TENM1: variants seen among roughly 807,000 people sequenced by gnomAD.
TENM1 encodes teneurin transmembrane protein 1.
Under a neutral mutation model 174.8 loss-of-function variants are expected in TENM1, and 35 were observed. The ratio of observed to expected loss-of-function variants is 0.20; its 90% confidence interval spans 0.15 to 0.27. The LOEUF (loss-of-function observed/expected upper bound fraction) is 0.27, where lower values mean the gene tolerates loss of function less well. TENM1 is among the 10% of genes least tolerant of loss of function. TENM1 has a pLI of 1.00. For synonymous variants in TENM1, 781 were observed against 798.7 expected, an observed-to-expected ratio of 0.98 and a Z score of 0.37; for missense variants, 1,633 against 2,130.1, an observed-to-expected ratio of 0.77 and a Z score of 4.59.
At chrX:124,492,036 G>C (rs2047078972) in intron 20 of TENM1, among the ~76,000 whole-genome samples, 1 of 111,757 alleles carries the variant, frequency 8.9e-6, no homozygotes, top group South Asian at 3.8e-4. Flanking sequence ...CAATTTTATA[G>C]ATAAGGAAGA....
intron 20 of TENM1, among the ~76,000 whole-genome samples, chrX:124,494,354 A>G (rs192762946): frequency 9.0e-6 from 1 of 111,238 alleles, no homozygotes; most frequent in African/African-American, 3.3e-5. Context: ...GAACATAGAG[A>G]AACTTAAAGC....
intron 23 of TENM1, among the ~76,000 whole-genome samples, chrX:124,440,670 G>A (rs2060893410): frequency 9.0e-6 from 1 of 111,427 alleles, no homozygotes; most frequent in Non-Finnish European, 1.9e-5. Flanking sequence ...ATATAGACCC[G>A]GTAACTACAA....
chrX:124,565,595 T>C, intron 11 of TENM1, 35 bp from the exon 15 acceptor site: 1 of 1,024,333 alleles, frequency 9.8e-7, no homozygotes, highest in Middle Eastern at 2.7e-4. Flanking sequence ...ATTAACATAT[T>C]TTGTTAAAAC....
intron 3 of TENM1, among the ~76,000 whole-genome samples, chrX:124,837,968 C>T (rs968254459): frequency 3.6e-5 from 4 of 111,732 alleles, no homozygotes; most frequent in African/African-American, 9.8e-5. Context: ...ATACATTGCT[C>T]GCACTTAAAG....
chrX:124,570,049 A>G (rs2148185752), intron 11 of TENM1, among the ~76,000 whole-genome samples: 1 of 111,858 alleles, frequency 8.9e-6, no homozygotes, highest in Admixed American at 9.5e-5. Context: ...ATTGCTATAC[A>G]TAGTACAAAC....
intron 14 of TENM1, among the ~76,000 whole-genome samples, chrX:124,557,935 T>C (rs188761386): frequency 5.0e-4 from 56 of 112,036 alleles, no homozygotes; most frequent in African/African-American, 1.8e-3. Flanking sequence ...GAAAATGTGG[T>C]CACCATAGTA....
chrX:124,437,098 C>T (rs888470178), intron 23 of TENM1, among the ~76,000 whole-genome samples: 2 of 93,604 alleles, frequency 2.1e-5, no homozygotes, highest in Non-Finnish European at 4.2e-5. Context: ...CCACCATGCT[C>T]GGCTAATTTT....
chrX:124,471,321 TATA>T (rs1242937026), intron 22 of TENM1, among the ~76,000 whole-genome samples: 15 of 9,279 alleles, frequency 1.6e-3, no homozygotes, highest in Non-Finnish European at 2.4e-3. Flanking sequence ...TACTATATAT[TATA>T]ATATATAGTA....
At position 124,381,450 on chromosome X, in the gene TENM1, T is replaced by C. The variant is rs182328005; in HGVS notation, c.7441-156A>G. Among the ~76,000 whole-genome samples, 137 of 112,006 alleles carry C rather than the reference T, an allele frequency of 1.2e-3. 1 individual carries two copies. The highest frequency in any genetic ancestry group is 1.8e-3 in the Non-Finnish European group (94 of 53,105). On this transcript the variant is annotated intron_variant, in intron 31 of 31. Transcript: ENST00000422452. ...ATAAGCCAGATTTGGAATCTCTTCA[T>C]CAGAGATTTGGAAAAGACTAACAGG...
intron 3 of TENM1, among the ~76,000 whole-genome samples, chrX:124,867,236 T>G (rs1243876866): frequency 9.0e-6 from 1 of 111,417 alleles, no homozygotes; most frequent in Non-Finnish European, 1.9e-5. Context: ...TGCAAAAATC[T>G]TCAACAAAAT....
chrX:125,182,695 G>A, the TENM1 span, among the ~76,000 whole-genome samples: 1 of 111,580 alleles, frequency 9.0e-6, no homozygotes. Flanking sequence ...TTATGAGTAA[G>A]GACTATGTTC....
At chrX:125,109,005 C>A in the TENM1 span, among the ~76,000 whole-genome samples, 26 of 111,168 alleles carry the variant, frequency 2.3e-4, no homozygotes, top group African/African-American at 7.8e-4. Context: ...CACCTCTATT[C>A]ATTTGCATCT....
the TENM1 span, among the ~76,000 whole-genome samples, chrX:125,111,103 G>A: frequency 8.9e-6 from 1 of 112,277 alleles, no homozygotes; most frequent in African/African-American, 3.2e-5. Context: ...GACTCAACAT[G>A]ATAATATATT....
At chrX:125,064,102 T>C in the TENM1 span, among the ~76,000 whole-genome samples, 3 of 107,250 alleles carry the variant, frequency 2.8e-5, no homozygotes, top group Non-Finnish European at 3.9e-5. Flanking sequence ...TAGGTGGGAA[T>C]TGAACAATGA....
intron 15 of TENM1, among the ~76,000 whole-genome samples, chrX:124,530,325 C>T (rs1461089856): frequency 9.0e-6 from 1 of 110,500 alleles, no homozygotes; most frequent in Admixed American, 9.7e-5. Flanking sequence ...CCCTGATTTT[C>T]GGACATTTTG....
rs1382350402 is a variant in TENM1 at position 124,523,391 on chromosome X, C to A, written c.3006G>T (p.Glu1002Asp). The change falls in exon 17 of 32, where the codon GAG (glutamate) becomes GAT (aspartate). Residue 1002 changes from glutamate to aspartate, a missense_variant. Physicochemically the swap from Glu to Asp is conservative, Grantham distance 45. Coordinates refer to ENST00000422452, the Ensembl canonical transcript of TENM1. ...GCAGCTCAGGAACAATAGTTCCCCTCTCTGGACAGGACCCTCCAAATGATG... is the reference window on the plus strand; with the variant it reads ...GCAGCTCAGGAACAATAGTTCCCCTATCTGGACAGGACCCTCCAAATGATG... 5.0e-6 allele frequency: 6 copies of A among 1,211,879 alleles called. No homozygotes were observed. In the East Asian group the frequency reaches 8.9e-5, roughly 18 times the overall value.
chrX:124,848,769 T>A (rs148463881), intron 3 of TENM1, among the ~76,000 whole-genome samples: 6,729 of 110,671 alleles, frequency 0.061, 489 homozygotes, highest in African/African-American at 0.21. Context: ...ATCTATACTG[T>A]CATAGATATT....
At chrX:124,560,633 A>C (rs1292933895) in intron 14 of TENM1, among the ~76,000 whole-genome samples, 2 of 111,498 alleles carry the variant, frequency 1.8e-5, no homozygotes, top group Non-Finnish European at 3.8e-5. Flanking sequence ...GTTAGCCAGA[A>C]CAAGTAAAGG....
chrX:124,671,821 C>A, exon 6 of TENM1: 3 of 1,209,028 alleles, frequency 2.5e-6, no homozygotes, highest in Non-Finnish European at 2.2e-6. Context: ...CAAGTCAGGC[C>A]GAACAAATGC....
Sources: gnomAD v4.1 joint callset for allele counts (sites outside exome capture counted in the v4.1 genomes callset) on GRCh38, gnomAD v4.1.1 for gene constraint, MANE v1.5 for transcripts, NCBI Gene and HGNC (gene_info 2026-07-23, HGNC 2026-07-21) for gene names.